The following GUCY1A2 variants were observed in gnomAD, a reference collection of about 807,000 sequenced individuals.
GUCY1A2 encodes the protein guanylate cyclase 1 soluble subunit alpha 2.
In GUCY1A2, 27 loss-of-function variants were observed where a neutral mutation model predicts 63.5. The ratio of observed to expected loss-of-function variants is 0.43; its 90% CI spans 0.31 to 0.59. The LOEUF is 0.59. Ranked by LOEUF, GUCY1A2 falls within the 20% of genes least tolerant of loss-of-function variation. GUCY1A2 has a pLI of 0.11. For synonymous variants in GUCY1A2, 364 were observed against 343.5 expected (o/e 1.06, Z -0.66); for missense variants, 768 against 913.3 (o/e 0.84, Z 2.05).
intron 3 of GUCY1A2, among the ~76,000 whole-genome samples, chr11:106,944,743 T>C (rs1195279510): frequency 6.6e-6 from 1 of 152,146 alleles, no homozygotes; most frequent in East Asian, 1.9e-4. Flanking sequence ...CCAACCCCCA[T>C]GTGAGTACTC....
chr11:106,959,632 T>C (rs1023808432), intron 3 of GUCY1A2, among the ~76,000 whole-genome samples: 8 of 152,186 alleles, frequency 5.3e-5, no homozygotes, highest in Non-Finnish European at 8.8e-5. Context: ...CTTTCAAAGA[T>C]AGTTCATTTG....
chr11:106,691,438 C>T (rs1374927396), intron 7 of GUCY1A2, among the ~76,000 whole-genome samples: 1 of 152,194 alleles, frequency 6.6e-6, no homozygotes, highest in Non-Finnish European at 1.5e-5. Flanking sequence ...TGCACATGAG[C>T]TACACTCTCT....
At chr11:106,876,118 C>T (rs1456804546) in intron 4 of GUCY1A2, among the ~76,000 whole-genome samples, 1 of 151,960 alleles carries the variant, frequency 6.6e-6, no homozygotes, top group Non-Finnish European at 1.5e-5. Flanking sequence ...ACTAATATCA[C>T]AAATTTAATA....
intron 4 of GUCY1A2, among the ~76,000 whole-genome samples, chr11:106,894,324 G>T (rs1255868617): frequency 6.6e-6 from 1 of 152,164 alleles, no homozygotes. Context: ...TAAAAGTTTA[G>T]GGAGAAATAG....
At chr11:106,935,571 G>C (rs1860664755) in intron 4 of GUCY1A2, among the ~76,000 whole-genome samples, 1 of 152,152 alleles carries the variant, frequency 6.6e-6, no homozygotes, top group African/African-American at 2.4e-5. Context: ...CAAGTGCGGT[G>C]GCTCACGCCT....
Position 106,680,375 on chromosome 11 carries a change from G to T in GUCY1A2, c.*7174C>A, listed in dbSNP as rs1017443851. 1.9e-5 allele frequency: 4 copies of T among 209,954 alleles called. No individual in the cohort carries two copies. The highest frequency in any genetic ancestry group is 3.9e-5 in the Non-Finnish European group (4 of 103,334). 13.0% of individuals were successfully genotyped at this position (209,954 alleles called of 1,614,324 possible). A position where few individuals can be genotyped will look rare whatever the true frequency, so the allele number is the denominator to read the frequency against. On this transcript the variant is annotated 3_prime_UTR_variant, in exon 8 of 8. Coordinates refer to ENST00000526355, the MANE Select transcript of GUCY1A2 (RefSeq NM_000855.3). ...TGCAAATAGCAAAAAGTCCACAGAA[G>T]AAGACTGAATATAAAGTGATTTCTT...
chr11:106,801,040 C>T (rs1010534838), intron 5 of GUCY1A2, among the ~76,000 whole-genome samples: 2 of 152,076 alleles, frequency 1.3e-5, no homozygotes, highest in African/African-American at 4.8e-5. Flanking sequence ...TAAGGATCTT[C>T]TACTGTGCTG....
chr11:106,999,247 C>T (rs1455590), intron 1 of GUCY1A2, among the ~76,000 whole-genome samples: 49,272 of 151,910 alleles, frequency 0.32, 9,428 homozygotes, highest in African/African-American at 0.54. Context: ...GGTTCTGATA[C>T]AGGAATAAAG....
chr11:106,936,900 C>T lies in GUCY1A2; in HGVS notation c.1206+2560G>A, dbSNP rs552976724. ...CAGACATCATAGAGGTATACATTAA[C>T]AAGAATAGCTATTATGGGGAAAATA... is the stretch of plus-strand genomic sequence containing the variant. On this transcript the variant is annotated intron_variant, in intron 4 of 7. Coordinates refer to ENST00000526355, the MANE Select transcript of GUCY1A2 (RefSeq NM_000855.3). 6.0e-3 allele frequency among the ~76,000 whole-genome samples: 920 copies of T among 152,152 alleles called. 3 individuals carry two copies. Among genetic ancestry groups the T allele is most frequent in the Non-Finnish European group, 9.2e-3 (626 of 67,976 alleles).
At chr11:106,917,170 C>T (rs1860380150) in intron 4 of GUCY1A2, among the ~76,000 whole-genome samples, 1 of 145,542 alleles carries the variant, frequency 6.9e-6, no homozygotes, top group South Asian at 2.4e-4. Flanking sequence ...AAGAGAAATG[C>T]CCCTCTGAGG....
chr11:106,748,201 G>A (rs1391391929), intron 6 of GUCY1A2, among the ~76,000 whole-genome samples: 1 of 152,330 alleles, frequency 6.6e-6, no homozygotes, highest in East Asian at 1.9e-4. Context: ...TCTAAAAGGT[G>A]ATTATGATAA....
Position 106,900,899 on chromosome 11 carries a change from T to C in GUCY1A2, c.1206+38561A>G, listed in dbSNP as rs141892291. On this transcript the variant is annotated intron_variant, in intron 4 of 7. Coordinates refer to ENST00000526355, the MANE Select transcript of GUCY1A2 (RefSeq NM_000855.3). The stretch of plus-strand genomic sequence containing the variant: ...GTAATCCTTCTGCTGGTGTAGGTTT[T>C]GCCTCTGTTGTTGGCTGCTAACTGA... Among the ~76,000 whole-genome samples, 822 of 152,336 alleles carry C rather than the reference T, an allele frequency of 5.4e-3. 9 individuals carry two copies. Among genetic ancestry groups the C allele is most frequent in the Middle Eastern group, 0.014 (4 of 294 alleles).
At position 106,689,064 on chromosome 11, in the gene GUCY1A2, A is replaced by C. The variant is rs138937968; in HGVS notation, c.1992-1308T>G. 1.4e-3 allele frequency among the ~76,000 whole-genome samples: 213 copies of C among 152,318 alleles called. No homozygotes were observed. In the Middle Eastern group the frequency reaches 0.017, roughly 12 times the overall value. ...CAGATTCATGTTAGCAGCAGCTCCA[A>C]GTAGGAGGCAGGTCGGGGCAAAAGA... On this transcript the variant is annotated intron_variant, in intron 7 of 7. Coordinates refer to ENST00000526355, the MANE Select transcript of GUCY1A2 (RefSeq NM_000855.3).
chr11:106,950,356 C>T (rs187122862), intron 3 of GUCY1A2, among the ~76,000 whole-genome samples: 10 of 152,290 alleles, frequency 6.6e-5, no homozygotes, highest in Non-Finnish European at 2.9e-5. Context: ...AGCAGCCCAG[C>T]AGCAGTAAGG....
At chr11:106,989,031 T>C (rs1861437857) in intron 1 of GUCY1A2, among the ~76,000 whole-genome samples, 1 of 152,204 alleles carries the variant, frequency 6.6e-6, no homozygotes, top group Admixed American at 6.5e-5. Flanking sequence ...TAAGTGTCCA[T>C]GTATGCCAGT....
intron 4 of GUCY1A2, among the ~76,000 whole-genome samples, chr11:106,892,999 C>CAA (rs1207921663): frequency 1.3e-5 from 2 of 152,006 alleles, no homozygotes; most frequent in Non-Finnish European, 2.9e-5. Context: ...CTTTATAAGG[C>CAA]AACATTAGCA....
At chr11:106,865,883 T>C (rs1859585415) in intron 4 of GUCY1A2, among the ~76,000 whole-genome samples, 1 of 151,284 alleles carries the variant, frequency 6.6e-6, no homozygotes, top group African/African-American at 2.4e-5. Flanking sequence ...ATGGCAATTA[T>C]TATATAATTT....
chr11:106,742,854 C>G (rs1863718737), intron 6 of GUCY1A2, among the ~76,000 whole-genome samples: 3 of 152,172 alleles, frequency 2.0e-5, no homozygotes, highest in Admixed American at 1.3e-4. Context: ...TAAACAGATA[C>G]TACTTTCAAT....
intron 4 of GUCY1A2, among the ~76,000 whole-genome samples, chr11:106,856,776 T>G (rs1400798373): frequency 5.3e-5 from 8 of 152,154 alleles, no homozygotes. Flanking sequence ...ACCCAGTTCC[T>G]TTTTCTTTCC....
Sources: gnomAD v4.1 joint callset for allele counts (sites outside exome capture counted in the v4.1 genomes callset) on GRCh38, gnomAD v4.1.1 for gene constraint, MANE v1.5 for transcripts, NCBI Gene and HGNC (gene_info 2026-07-23, HGNC 2026-07-21) for gene names.